Variants in KCNQ5 observed in about 807,000 individuals in gnomAD.
KCNQ5 encodes potassium voltage-gated channel subfamily Q member 5, also known as potassium voltage-gated channel subfamily KQT member 5.
A neutral mutation model predicts 98.2 loss-of-function variants in KCNQ5; 30 were observed. That is an observed-to-expected ratio of 0.31 (90% CI 0.23 to 0.41). The LOEUF (loss-of-function observed/expected upper bound fraction) is 0.41, where lower values mean the gene tolerates loss of function less well. Ranked by LOEUF, KCNQ5 falls within the 10% of genes least tolerant of loss-of-function variation. The probability of loss-of-function intolerance (pLI) is 1.00; values close to 1 mark genes in which losing one functional copy is unlikely to be tolerated. For missense variants in KCNQ5, 835 were observed against 1,182.5 expected (o/e 0.71, Z 4.31); for synonymous variants, 458 against 449.4 (o/e 1.02, Z -0.24).
chr6:73,149,860 C>G (rs1051093176), intron 10 of KCNQ5, among the ~76,000 whole-genome samples: 11 of 148,164 alleles, frequency 7.4e-5, no homozygotes, highest in African/African-American at 2.8e-4. Flanking sequence ...GGAAGGCAAG[C>G]TGATAGAATG....
intron 3 of KCNQ5, among the ~76,000 whole-genome samples, chr6:73,051,954 A>G (rs1249506147): frequency 6.6e-6 from 1 of 152,208 alleles, no homozygotes; most frequent in Non-Finnish European, 1.5e-5. Flanking sequence ...GAGATTCAGG[A>G]GACAGTGAAA....
rs571179308 is a variant in KCNQ5 at position 73,120,013 on chromosome 6, G to A, written c.1126-470G>A. ...AGCACTTTGGGAGGCCAAGGCAGGC[G>A]GATCACTTGAGGTCAGGAATTTGAG... On this transcript the variant is annotated intron_variant, in intron 7 of 13. Transcript: ENST00000370398. 5.0e-3 allele frequency among the ~76,000 whole-genome samples: 752 copies of A among 151,738 alleles called. 3 individuals carry two copies. The highest frequency in any genetic ancestry group is 0.017 in the African/African-American group (703 of 41,374).
chr6:72,921,313 T>C (rs998942608), intron 1 of KCNQ5, among the ~76,000 whole-genome samples: 2 of 152,172 alleles, frequency 1.3e-5, no homozygotes, highest in Admixed American at 1.3e-4. Context: ...GTTCAAAATA[T>C]ATGAAGAAAG....
chr6:72,817,364 C>T (rs1440809005), intron 1 of KCNQ5, among the ~76,000 whole-genome samples: 3 of 152,038 alleles, frequency 2.0e-5, no homozygotes, highest in Admixed American at 2.0e-4. Flanking sequence ...ATGCCTTAAA[C>T]CAAATATTTT....
At chr6:72,802,733 G>T (rs1774727164) in intron 1 of KCNQ5, among the ~76,000 whole-genome samples, 1 of 152,070 alleles carries the variant, frequency 6.6e-6, no homozygotes, top group South Asian at 2.1e-4. Context: ...AAGAACTCAT[G>T]TCTCACCACC....
At chr6:72,717,343 T>G (rs1026980861) in intron 1 of KCNQ5, among the ~76,000 whole-genome samples, 1 of 152,188 alleles carries the variant, frequency 6.6e-6, no homozygotes, top group Non-Finnish European at 1.5e-5. Flanking sequence ...AATTTTAAGG[T>G]GATGGATATG....
At chr6:72,733,216 A>G (rs1170766891) in intron 1 of KCNQ5, among the ~76,000 whole-genome samples, 3 of 152,170 alleles carry the variant, frequency 2.0e-5, no homozygotes, top group Non-Finnish European at 4.4e-5. Flanking sequence ...GAATAATACA[A>G]CATTTAGGAA....
intron 6 of KCNQ5, among the ~76,000 whole-genome samples, chr6:73,110,475 G>T (rs982564682): frequency 4.6e-5 from 7 of 152,112 alleles, no homozygotes; most frequent in Admixed American, 4.6e-4. Context: ...CAGAAGAAAA[G>T]CAAACTGGCC....
chr6:73,015,032 G>A (rs1372869934), intron 2 of KCNQ5, among the ~76,000 whole-genome samples: 1 of 151,916 alleles, frequency 6.6e-6, no homozygotes. Context: ...TAAAACTTCT[G>A]GTATTAAATA....
At chr6:72,987,410 G>A (rs1768838330) in intron 1 of KCNQ5, 1 of 704,938 alleles carries the variant, frequency 1.4e-6, no homozygotes, top group African/African-American at 1.7e-5. Context: ...CCAGGAAGTG[G>A]ACGGGAACCT....
At chr6:73,055,740 A>G in intron 3 of KCNQ5, 2 of 1,058,208 alleles carry the variant, frequency 1.9e-6, no homozygotes, top group Non-Finnish European at 2.9e-6. Flanking sequence ...CTCATTGTCT[A>G]TGAATTGGAC....
chr6:72,701,323 C>T (rs1214349105), intron 1 of KCNQ5, among the ~76,000 whole-genome samples: 2 of 152,166 alleles, frequency 1.3e-5, no homozygotes, highest in African/African-American at 2.4e-5. Flanking sequence ...CAACTTCAGA[C>T]CCTCTGAAAC....
chr6:73,087,210 G>A (rs769846314), intron 5 of KCNQ5, among the ~76,000 whole-genome samples: 1 of 152,284 alleles, frequency 6.6e-6, no homozygotes, highest in Non-Finnish European at 1.5e-5. Flanking sequence ...ATAGCAGCCT[G>A]GTCTACCATG....
chr6:72,700,086 T>C (rs906583309), intron 1 of KCNQ5, among the ~76,000 whole-genome samples: 2 of 152,170 alleles, frequency 1.3e-5, no homozygotes, highest in Non-Finnish European at 2.9e-5. Context: ...AATATTAAAA[T>C]CAGCTGCTTT....
At chr6:73,053,877 A>G (rs1197750294) in intron 3 of KCNQ5, among the ~76,000 whole-genome samples, 2 of 152,166 alleles carry the variant, frequency 1.3e-5, no homozygotes, top group African/African-American at 2.4e-5. Flanking sequence ...TTGAGACGCA[A>G]AAAAACATAC....
At chr6:72,846,932 T>C (rs188955256) in intron 1 of KCNQ5, among the ~76,000 whole-genome samples, 1 of 152,290 alleles carries the variant, frequency 6.6e-6, no homozygotes, top group East Asian at 1.9e-4. Context: ...GATAAATAAG[T>C]TATTTAAAAA....
chr6:72,639,622 T>G (rs1001327045), intron 1 of KCNQ5, among the ~76,000 whole-genome samples: 1 of 152,060 alleles, frequency 6.6e-6, no homozygotes, highest in Non-Finnish European at 1.5e-5. Flanking sequence ...ACCAGGGATA[T>G]CTGGTTGGAA....
intron 1 of KCNQ5, among the ~76,000 whole-genome samples, chr6:72,820,669 T>C (rs942602971): frequency 6.6e-6 from 1 of 152,022 alleles, no homozygotes; most frequent in Non-Finnish European, 1.5e-5. Context: ...TGGCAGCATT[T>C]TTTTTTCTCT....
chr6:72,723,089 C>G (rs1770062036), intron 1 of KCNQ5, among the ~76,000 whole-genome samples: 1 of 152,030 alleles, frequency 6.6e-6, no homozygotes, highest in Non-Finnish European at 1.5e-5. Context: ...TCCCTGGGCT[C>G]AAGCAATCCT....
Sources: allele counts gnomAD v4.1 joint callset (sites outside exome capture counted in the v4.1 genomes callset), GRCh38; gene constraint gnomAD v4.1.1; transcripts MANE v1.5; gene names NCBI Gene and HGNC (gene_info 2026-07-23, HGNC 2026-07-21).